The following TSPAN14 variants were observed in gnomAD, a reference collection of about 807,000 sequenced individuals.
TSPAN14 encodes the protein tetraspanin 14.
TSPAN14 carries 16 observed loss-of-function variants against 36.6 expected under a neutral mutation model. That is an observed-to-expected ratio of 0.44 (90% CI 0.30 to 0.66). The LOEUF (loss-of-function observed/expected upper bound fraction) is 0.66. Among genes scored for constraint, TSPAN14 ranks in the 30% least tolerant of loss-of-function variants. The pLI is 0.12. For synonymous variants in TSPAN14, 139 were observed against 143.8 expected, an observed-to-expected ratio of 0.97 and a Z score of 0.24; for missense variants, 231 against 355.1, an observed-to-expected ratio of 0.65 and a Z score of 2.81.
chr10:80,477,354 A>G (rs918922347), intron 1 of TSPAN14, among the ~76,000 whole-genome samples: 2 of 152,254 alleles, frequency 1.3e-5, no homozygotes, highest in Non-Finnish European at 2.9e-5. Context: ...AATTAAAAAT[A>G]CTTTGAAATG....
chr10:80,509,646 T>G lies in TSPAN14; in HGVS notation c.450+175T>G. ...CTCTGGTCTGTTCCACTTTGCCGGC[T>G]TGTGGTTGCCTGGTGGGCCAGCCCT... On this transcript the variant is annotated intron_variant, in intron 5 of 8. Transcript: ENST00000429989. This position sits in a 1 kb window ranked among gnomAD's most constrained non-coding sequence, Gnocchi z 4.7. 1.5e-6 allele frequency: 1 copy of G among 679,974 alleles called. No homozygotes were observed. The highest frequency in any genetic ancestry group is 2.0e-5 in the South Asian group (1 of 49,970). The allele number at this position is 679,974 out of a possible 1,614,324, so 42.1% of individuals were successfully genotyped here.
At chr10:80,492,680 G>C (rs1220806524) in intron 2 of TSPAN14, among the ~76,000 whole-genome samples, 1 of 152,126 alleles carries the variant, frequency 6.6e-6, no homozygotes. Flanking sequence ...GCCGGGCGTG[G>C]TGGTGGGCAC....
At chr10:80,491,375 G>A (rs778506833) in intron 2 of TSPAN14, among the ~76,000 whole-genome samples, 8 of 152,192 alleles carry the variant, frequency 5.3e-5, no homozygotes, top group Non-Finnish European at 1.0e-4. Context: ...CCACCATCCC[G>A]CACCCCCAGG....
intron 1 of TSPAN14, among the ~76,000 whole-genome samples, chr10:80,487,620 A>G (rs115316964): frequency 0.019 from 2,874 of 151,926 alleles, 89 homozygotes; most frequent in African/African-American, 0.066. Context: ...TGGCCCATAC[A>G]GTGTTCAGGC....
chr10:80,492,580 G>C (rs1372624298), intron 2 of TSPAN14, among the ~76,000 whole-genome samples: 1 of 152,174 alleles, frequency 6.6e-6, no homozygotes, highest in African/African-American at 2.4e-5. Flanking sequence ...ACTTTGGGAG[G>C]CCGAGGCAGG....
At chr10:80,510,417 C>T (rs1025964478) in intron 5 of TSPAN14, among the ~76,000 whole-genome samples, 19 of 152,190 alleles carry the variant, frequency 1.2e-4, no homozygotes, top group African/African-American at 3.6e-4. Context: ...CACCAAATCC[C>T]CGCCATGTTT....
chr10:80,465,999 C>T (rs944052634), intron 1 of TSPAN14, among the ~76,000 whole-genome samples: 2 of 152,060 alleles, frequency 1.3e-5, no homozygotes, highest in Admixed American at 1.3e-4. Flanking sequence ...TCTGACTTCT[C>T]TATCTGAGGT....
intron 1 of TSPAN14, among the ~76,000 whole-genome samples, chr10:80,477,293 A>G (rs1483467762): frequency 2.0e-5 from 3 of 152,210 alleles, no homozygotes; most frequent in Non-Finnish European, 4.4e-5. Context: ...CTTTTATGTA[A>G]TAATGGACTA....
At chr10:80,515,398 TCTC>T (rs753728322) in intron 7 of TSPAN14, 3 of 152,258 alleles carry the variant, frequency 2.0e-5, no homozygotes, top group Non-Finnish European at 4.4e-5. Context: ...TGTGTCCTGA[TCTC>T]CTCCTCTTAG....
intron 1 of TSPAN14, among the ~76,000 whole-genome samples, chr10:80,455,140 T>G (rs1159824952): frequency 6.6e-6 from 1 of 151,536 alleles, no homozygotes; most frequent in South Asian, 2.1e-4. Flanking sequence ...GGGGTGCGGG[T>G]GGGTAGGAAG....
At chr10:80,522,527 AAACT>A (rs1239847844) in exon 9 of TSPAN14, 4 of 152,330 alleles carry the variant, frequency 2.6e-5, no homozygotes, top group Non-Finnish European at 5.9e-5. Flanking sequence ...AATTAAAAAA[AAACT>A]ACTACAATAA....
intron 1 of TSPAN14, among the ~76,000 whole-genome samples, chr10:80,464,677 A>G (rs950297482): frequency 6.6e-6 from 1 of 152,190 alleles, no homozygotes; most frequent in Non-Finnish European, 1.5e-5. Context: ...TGAGAAGGCC[A>G]GAGCTTCCCA....
rs1205455298 is a variant in TSPAN14, at chr10:80,507,348, C to A, written c.253C>A (p.Arg85=). The change falls in exon 4 of 9, where the codon CGG becomes AGG. Residue 85 remains arginine, a synonymous_variant. Coordinates refer to ENST00000429989, the Ensembl canonical transcript of TSPAN14. ...GTTCGCCGGCTGCGTGGGGGCTCTG[C>A]GGGAGAATATCTGCTTGCTCAACTT... The A allele has an allele frequency of 3.1e-6, 5 of 1,614,140 alleles. No individual in the cohort carries two copies. The South Asian group carries it at 5.5e-5, about 18-fold the overall frequency.
intron 1 of TSPAN14, among the ~76,000 whole-genome samples, chr10:80,460,897 G>A (rs1197344851): frequency 1.3e-5 from 2 of 152,108 alleles, no homozygotes; most frequent in East Asian, 1.9e-4. Context: ...TCTCGCTCCC[G>A]CCTCCATCAG....
chr10:80,457,003 A>C (rs1250358273), intron 1 of TSPAN14, among the ~76,000 whole-genome samples: 1 of 151,586 alleles, frequency 6.6e-6, no homozygotes, highest in African/African-American at 2.4e-5. Flanking sequence ...TGGAGGTTGC[A>C]GTGAGCTGAG....
intron 7 of TSPAN14, among the ~76,000 whole-genome samples, chr10:80,514,990 C>T (rs573469747): frequency 2.0e-5 from 3 of 152,246 alleles, no homozygotes; most frequent in African/African-American, 7.2e-5. Context: ...CTGAATTTGC[C>T]AGTGTCCTGA....
rs539769485 is a variant in TSPAN14 at position 80,465,949 on chromosome 10, G to A, written c.-18+11578G>A. On this transcript the variant is annotated intron_variant, in intron 1 of 8. Coordinates refer to ENST00000429989, the Ensembl canonical transcript of TSPAN14. ...TTTTGGGGTACAATTTCAGCTATGT[G>A]TGGGGTTGCAGGCGGGGTGAAGGCC... 2.0e-5 allele frequency among the ~76,000 whole-genome samples: 3 copies of A among 152,258 alleles called. No individual in the cohort carries two copies. The East Asian group carries it at 5.8e-4, about 29-fold the overall frequency.
chr10:80,521,358 ACCCGCTGGT>A (rs1394892782), exon 9 of TSPAN14: 1 of 157,206 alleles, frequency 6.4e-6, no homozygotes, highest in Non-Finnish European at 1.4e-5. Context: ...TCAGCCTGTC[ACCCGCTGGT>A]CCAGAGCTTT....
At chr10:80,518,212 G>GA in exon 9 of TSPAN14, 1 of 568,394 alleles carries the variant, frequency 1.8e-6, no homozygotes, top group Non-Finnish European at 3.2e-6. Context: ...CAGAGACAGA[G>GA]AATGTGTCTT....
Sources: allele counts gnomAD v4.1 joint callset (sites outside exome capture counted in the v4.1 genomes callset), GRCh38; gene constraint gnomAD v4.1.1; non-coding constraint Gnocchi (gnomAD v3.1); transcripts MANE v1.5; gene names NCBI Gene and HGNC (gene_info 2026-07-23, HGNC 2026-07-21).